CPNE8: variants seen among roughly 807,000 people sequenced by gnomAD.
CPNE8 encodes the protein copine 8.
A neutral mutation model predicts 81.5 loss-of-function variants in CPNE8; 45 were observed. That is an observed-to-expected ratio of 0.55 (90% CI 0.44 to 0.71). The LOEUF is 0.71. CPNE8 is among the 30% of genes least tolerant of loss of function. The pLI is 0.00. For synonymous variants in CPNE8, 252 were observed against 226.3 expected (o/e 1.11, Z -1.02); for missense variants, 594 against 672.1 (o/e 0.88, Z 1.28).
chr12:38,734,692 C>T (rs1684411), intron 10 of CPNE8, among the ~76,000 whole-genome samples: 83,901 of 151,808 alleles, frequency 0.55, 23,734 homozygotes, highest in East Asian at 0.81. Flanking sequence ...CTATTTCAAA[C>T]ATCAACCAGA....
intron 3 of CPNE8, among the ~76,000 whole-genome samples, chr12:38,865,098 A>T (rs372620368): frequency 3.9e-5 from 6 of 152,204 alleles, no homozygotes; most frequent in Non-Finnish European, 5.9e-5. Context: ...TCATCGGCAA[A>T]TCAAAAAACA....
At chr12:38,777,083 G>A (rs1267737560) in intron 6 of CPNE8, among the ~76,000 whole-genome samples, 1 of 150,678 alleles carries the variant, frequency 6.6e-6, no homozygotes, top group Non-Finnish European at 1.5e-5. Context: ...TCCTGCAGAT[G>A]TTCCAAAAGA....
At chr12:38,722,574 G>C (rs1264275388) in intron 13 of CPNE8, among the ~76,000 whole-genome samples, 3 of 152,148 alleles carry the variant, frequency 2.0e-5, no homozygotes, top group African/African-American at 7.2e-5. Flanking sequence ...ATCATAATTA[G>C]GAAGAGGTTT....
chr12:38,750,333 C>T (rs926730466), intron 10 of CPNE8, among the ~76,000 whole-genome samples: 3 of 152,098 alleles, frequency 2.0e-5, no homozygotes, highest in African/African-American at 7.2e-5. Flanking sequence ...TGGGGCACTA[C>T]CTAGTGGAGC....
intron 1 of CPNE8, among the ~76,000 whole-genome samples, chr12:38,891,534 A>C (rs1592159501): frequency 6.7e-6 from 1 of 149,820 alleles, no homozygotes; most frequent in East Asian, 2.0e-4. Flanking sequence ...CACAACCTCC[A>C]CTTCCCAGGT....
At chr12:38,846,546 G>T (rs897327729) in intron 4 of CPNE8, among the ~76,000 whole-genome samples, 7 of 152,090 alleles carry the variant, frequency 4.6e-5, no homozygotes, top group Non-Finnish European at 8.8e-5. Flanking sequence ...ACATTGGACC[G>T]GTTCAGCAAC....
At chr12:38,667,897 A>C (rs1368683612) in intron 19 of CPNE8, among the ~76,000 whole-genome samples, 2 of 152,184 alleles carry the variant, frequency 1.3e-5, no homozygotes, top group Non-Finnish European at 2.9e-5. Flanking sequence ...TCCTGGGCTC[A>C]AGCAATTCTC....
intron 10 of CPNE8, among the ~76,000 whole-genome samples, chr12:38,752,611 G>A (rs1941374616): frequency 6.6e-6 from 1 of 152,152 alleles, no homozygotes; most frequent in South Asian, 2.1e-4. Context: ...AAACTTGAGA[G>A]AGAAAAGGCA....
chr12:38,833,366 A>G (rs1431984698), intron 5 of CPNE8, among the ~76,000 whole-genome samples: 3 of 151,394 alleles, frequency 2.0e-5, no homozygotes, highest in Non-Finnish European at 4.4e-5. Flanking sequence ...AAAAAAAAAA[A>G]AAAAAAGAAA....
At chr12:38,687,783 CT>C (rs1290830876) in intron 15 of CPNE8, among the ~76,000 whole-genome samples, 12 of 152,122 alleles carry the variant, frequency 7.9e-5, no homozygotes, top group Admixed American at 5.2e-4. Context: ...TTTATATCCA[CT>C]TTTTTTCTTT....
At chr12:38,738,806 CT>C (rs5797590) in intron 10 of CPNE8, among the ~76,000 whole-genome samples, 13,724 of 49,596 alleles carry the variant, frequency 0.28, 963 homozygotes, top group Middle Eastern at 0.41. Flanking sequence ...TTTTTCTTTT[CT>C]TTTTTTTTTT....
chr12:38,868,595 C>A (rs563814954), intron 3 of CPNE8, among the ~76,000 whole-genome samples: 21 of 152,254 alleles, frequency 1.4e-4, no homozygotes, highest in African/African-American at 5.1e-4. Flanking sequence ...TTCAATACTT[C>A]CAGTAACAGT....
At chr12:38,753,315 G>A (rs1178549938) in intron 10 of CPNE8, among the ~76,000 whole-genome samples, 1 of 152,090 alleles carries the variant, frequency 6.6e-6, no homozygotes, top group African/African-American at 2.4e-5. Context: ...AGCCAGGCAT[G>A]GTGGTAGACA....
Position 38,735,083 on chromosome 12 carries a change from A to G in CPNE8, c.723-4725T>C, listed in dbSNP as rs1204900011. Reference sequence around the variant, plus strand: ...AATTTGGATGCTGAAGGGATTTTGGAACAAAACTGGTATGATCTTTTCTCA... The same window carrying G: ...AATTTGGATGCTGAAGGGATTTTGGGACAAAACTGGTATGATCTTTTCTCA... On this transcript the variant is annotated intron_variant, in intron 10 of 19. Transcript: ENST00000331366. Among the ~76,000 whole-genome samples the G allele has an allele frequency of 3.9e-5, 6 of 152,080 alleles. No homozygotes were observed. The East Asian group carries it at 1.2e-3, about 29-fold the overall frequency.
chr12:38,746,924 A>G lies in CPNE8; in HGVS notation c.722+13923T>C, dbSNP rs371983179. On this transcript the variant is annotated intron_variant, in intron 10 of 19. Transcript: ENST00000331366. Reference sequence around the variant, plus strand: ...TTGAAATGTAATGTATCTTAATTAAATGAATGAGGAAACATCTAAGACGTG... The same window carrying G: ...TTGAAATGTAATGTATCTTAATTAAGTGAATGAGGAAACATCTAAGACGTG... Among the ~76,000 whole-genome samples, 9 of 152,200 alleles carry G rather than the reference A, an allele frequency of 5.9e-5. No individual in the cohort carries two copies. The South Asian group carries it at 1.9e-3, about 32-fold the overall frequency.
intron 7 of CPNE8, among the ~76,000 whole-genome samples, chr12:38,771,189 C>T (rs1024773357): frequency 2.6e-5 from 4 of 151,856 alleles, no homozygotes; most frequent in African/African-American, 4.8e-5. Flanking sequence ...CCAGGCATAG[C>T]GGCTCATGAC....
At chr12:38,784,482 C>A (rs1942129749) in intron 6 of CPNE8, among the ~76,000 whole-genome samples, 1 of 152,098 alleles carries the variant, frequency 6.6e-6, no homozygotes. Context: ...CTGAGAACTT[C>A]CCAGACCTAG....
At chr12:38,674,709 G>C (rs922729805) in intron 18 of CPNE8, among the ~76,000 whole-genome samples, 1 of 152,138 alleles carries the variant, frequency 6.6e-6, no homozygotes, top group Admixed American at 6.6e-5. Flanking sequence ...TAGAATTTAG[G>C]GATTCCAGGG....
chr12:38,775,912 C>G (rs1190495171), intron 7 of CPNE8, among the ~76,000 whole-genome samples: 5 of 152,132 alleles, frequency 3.3e-5, no homozygotes. Flanking sequence ...TTCAAAAATA[C>G]TGCAAAAAAG....
Sources: allele counts gnomAD v4.1 joint callset (sites outside exome capture counted in the v4.1 genomes callset), GRCh38; gene constraint gnomAD v4.1.1; transcripts MANE v1.5; gene names NCBI Gene and HGNC (gene_info 2026-07-23, HGNC 2026-07-21).